Variants in BOC observed in about 807,000 individuals in gnomAD.
The protein encoded by BOC is BOC cell adhesion associated, oncogene regulated, also known as brother of CDO.
A neutral mutation model predicts 112.0 loss-of-function variants in BOC; 76 were observed. The ratio of observed to expected loss-of-function variants is 0.68; its 90% confidence interval spans 0.56 to 0.82. The LOEUF (loss-of-function observed/expected upper bound fraction) is 0.82, where lower values mean the gene tolerates loss of function less well. Among genes scored for constraint, BOC ranks in the 40% least tolerant of loss-of-function variants. BOC has a pLI of 0.00. For synonymous variants in BOC, 580 were observed against 599.8 expected (o/e 0.97, Z 0.48); for missense variants, 1,309 against 1,511.7 (o/e 0.87, Z 2.22).
In BOC at chr3:113,274,554, G is replaced by T. The variant is rs543759923; in HGVS notation, c.1414G>T (p.Ala472Ser). ...CPGEKGQGAP[A>S]EAPIILSSPR... The stretch of plus-strand genomic sequence containing the variant: ...AGGAGAGAAGGGGCAGGGGGCTCCC[G>T]CCGAGGCTCCCATCATCCTCAGCTC... Residue 472 changes from alanine to serine, a missense_variant, in exon 9 of 20, where the codon GCC becomes TCC. Coordinates refer to ENST00000682979, the MANE Select transcript of BOC (RefSeq NM_001378074.1). The surrounding 1 kb of genome is among the most constrained non-coding windows in gnomAD (Gnocchi z 4.8). The T allele has an allele frequency of 6.2e-7, 1 of 1,613,312 alleles. No individual in the cohort carries two copies. Among genetic ancestry groups the T allele is most frequent in the Non-Finnish European group, 8.5e-7 (1 of 1,179,910 alleles).
chr3:113,226,570 T>C (rs1016859756), intron 2 of BOC, among the ~76,000 whole-genome samples: 4 of 152,198 alleles, frequency 2.6e-5, no homozygotes, highest in Admixed American at 2.0e-4. Flanking sequence ...TGAGATGGAA[T>C]CTTAAGCAGG....
chr3:113,284,349 C>G lies in BOC; in HGVS notation c.2671C>G (p.Leu891Val). The change falls in exon 17 of 20, where the codon CTG becomes GTG. Residue 891 changes from leucine (L) to valine (V), a missense_variant. Coordinates refer to ENST00000682979, the MANE Select transcript of BOC (RefSeq NM_001378074.1). ...TGTCCTTCCAGAACATACAACAGAC[C>G]TGGGTTTTCCTCGAAGTGCCCTTCC... ...AWSKQKHTTD[L>V]GFPRSALPPS... is the part of the protein sequence containing the mutation. 6.2e-7 allele frequency: 1 copy of G among 1,614,122 alleles called. No individual in the cohort carries two copies. Among genetic ancestry groups the G allele is most frequent in the Non-Finnish European group, 8.5e-7 (1 of 1,179,960 alleles).
intron 6 of BOC, chr3:113,271,364 C>T (rs1429482586): frequency 5.2e-6 from 2 of 386,950 alleles, no homozygotes; most frequent in Non-Finnish European, 1.0e-5. Context: ...TGGGCCTGCA[C>T]TCTCTGCACT....
At chr3:113,225,285 A>G (rs1941478236) in intron 2 of BOC, among the ~76,000 whole-genome samples, 3 of 151,676 alleles carry the variant, frequency 2.0e-5, no homozygotes, top group African/African-American at 4.8e-5. Context: ...AAAAAAAACA[A>G]CAAAAAAAAA....
rs117636618 is a variant in BOC, at chr3:113,264,616, T to C, written c.377-3683T>C. Among the ~76,000 whole-genome samples, 34 of 152,276 alleles carry C rather than the reference T, an allele frequency of 2.2e-4. No homozygotes were observed. The East Asian group carries it at 6.2e-3, about 28-fold the overall frequency. The stretch of plus-strand genomic sequence containing the variant: ...CTCTGCATCTGCCCCATCTGATGGC[T>C]GGTTAGGCTCTTATTGATCATGAAC... On this transcript the variant is annotated intron_variant, in intron 4 of 19. Coordinates refer to ENST00000682979, the MANE Select transcript of BOC (RefSeq NM_001378074.1).
At chr3:113,283,267 T>C in intron 15 of BOC, 144 bp from the exon 16 acceptor site, 1 of 806,954 alleles carries the variant, frequency 1.2e-6, no homozygotes, top group African/African-American at 1.7e-5. Flanking sequence ...GTGGACACCA[T>C]TCAAATAAGA....
rs115567932 is a variant in BOC, at chr3:113,217,731, C to T, written c.-82+1457C>T. Among the ~76,000 whole-genome samples the T allele has an allele frequency of 6.2e-3, 951 of 152,246 alleles. 16 individuals are homozygous for T. Among genetic ancestry groups the T allele is most frequent in the African/African-American group, 0.021 (883 of 41,556 alleles). On this transcript the variant is annotated intron_variant, in intron 2 of 19. Coordinates refer to ENST00000682979, the MANE Select transcript of BOC (RefSeq NM_001378074.1). ...TCAGTGAATGGTAGGCCTAAGTATG[C>T]TTGAGACACAACATTTCATGTTCAG...
At chr3:113,233,148 G>GGGGGGTGTGTGTGTGT (rs75678874) in intron 2 of BOC, among the ~76,000 whole-genome samples, 3 of 123,960 alleles carry the variant, frequency 2.4e-5, no homozygotes, top group African/African-American at 9.2e-5. Flanking sequence ...AAAGGATTGG[G>GGGGGGTGTGTGTGTGT]GTGTGTGTGT....
intron 2 of BOC, among the ~76,000 whole-genome samples, chr3:113,222,594 G>A (rs902292257): frequency 7.2e-5 from 11 of 152,196 alleles, no homozygotes; most frequent in African/African-American, 2.2e-4. Flanking sequence ...TCCGTGTCGG[G>A]GGATGTAAGC....
Position 113,283,583 on chromosome 3 carries a change from C to A in BOC, c.2607C>A (p.Ile869=). 6.2e-7 allele frequency: 1 copy of A among 1,613,846 alleles called. No individual in the cohort carries two copies. Among genetic ancestry groups the A allele is most frequent in the African/African-American group, 1.3e-5 (1 of 74,924 alleles). Residue 869 remains isoleucine, a synonymous_variant, in exon 16 of 20, where the codon ATC becomes ATA. Transcript: ENST00000682979. ...TCGTCCTGGGCTCCATCGTTCTCAT[C>A]ATCGTCACCTTCATCCCCTTCTGCT... ...VGVVLGSIVL[I]IVTFIPFCLW...
At chr3:113,244,162 G>A (rs926291077) in intron 2 of BOC, among the ~76,000 whole-genome samples, 9 of 152,212 alleles carry the variant, frequency 5.9e-5, no homozygotes, top group Non-Finnish European at 8.8e-5. Context: ...ATGAAGAGGA[G>A]CTTGTGGATA....
Position 113,278,998 on chromosome 3 carries a change from G to C in BOC, c.1816+215G>C. The C allele has an allele frequency of 1.6e-6, 1 of 635,620 alleles. No individual in the cohort carries two copies. Among genetic ancestry groups the C allele is most frequent in the Non-Finnish European group, 2.7e-6 (1 of 367,928 alleles). The allele number at this position is 635,620 out of a possible 1,614,324, so 39.4% of individuals were successfully genotyped here. A position where few individuals can be genotyped will look rare whatever the true frequency, so the allele number is the denominator to read the frequency against. ...CACTGGGTGCATCCAGAGAGCAGCA[G>C]AGGCCAGAGCTGTGGTCCTTGGGCC... On this transcript the variant is annotated intron_variant, in intron 11 of 19. Coordinates refer to ENST00000682979, the MANE Select transcript of BOC (RefSeq NM_001378074.1). This position sits in a 1 kb window ranked among gnomAD's most constrained non-coding sequence, Gnocchi z 4.2.
At chr3:113,269,019 A>T (rs1194014213) in intron 5 of BOC, among the ~76,000 whole-genome samples, 1 of 152,138 alleles carries the variant, frequency 6.6e-6, no homozygotes, top group East Asian at 1.9e-4. Flanking sequence ...TATTACTGAG[A>T]TGCTGCTGTT....
At chr3:113,237,918 G>T (rs1943782750) in intron 2 of BOC, among the ~76,000 whole-genome samples, 1 of 152,156 alleles carries the variant, frequency 6.6e-6, no homozygotes, top group Admixed American at 6.5e-5. Flanking sequence ...GCTTTTCTAG[G>T]TGCTAGGGTT....
Position 113,278,388 on chromosome 3 carries a change from G to A in BOC, c.1705+131G>A. 1.8e-6 allele frequency: 2 copies of A among 1,112,282 alleles called. No individual in the cohort carries two copies. Among genetic ancestry groups the A allele is most frequent in the Non-Finnish European group, 2.6e-6 (2 of 774,974 alleles). The allele number at this position is 1,112,282 out of a possible 1,614,324, so 68.9% of individuals were successfully genotyped here. Reference sequence around the variant, plus strand: ...AACTTCATCTTTCCTTCCAGCTACTGCCTCCTTGTGGTTTGTGTGCTAGGC... The same window carrying A: ...AACTTCATCTTTCCTTCCAGCTACTACCTCCTTGTGGTTTGTGTGCTAGGC... On this transcript the variant is annotated intron_variant, in intron 10 of 19. Transcript: ENST00000682979. The surrounding 1 kb of genome is among the most constrained non-coding windows in gnomAD (Gnocchi z 4.2).
intron 4 of BOC, chr3:113,251,906 C>T (rs532016784): frequency 6.6e-6 from 1 of 152,328 alleles, no homozygotes; most frequent in Admixed American, 6.5e-5. Context: ...AGGAGCCTTA[C>T]CAAGACAGGT....
At chr3:113,229,286 T>C (rs1220885059) in intron 2 of BOC, among the ~76,000 whole-genome samples, 1 of 152,264 alleles carries the variant, frequency 6.6e-6, no homozygotes, top group Non-Finnish European at 1.5e-5. Flanking sequence ...GGCCAACGGC[T>C]GTTCTACTTC....
rs1267011888 is a variant in BOC, at chr3:113,278,809, C to T, written c.1816+26C>T. 45 of 1,545,398 alleles carry T rather than the reference C, an allele frequency of 2.9e-5. No individual in the cohort carries two copies. Among genetic ancestry groups the T allele is most frequent in the Non-Finnish European group, 3.3e-5 (38 of 1,141,608 alleles). On this transcript the variant is annotated intron_variant, in intron 11 of 19. Coordinates refer to ENST00000682979, the MANE Select transcript of BOC (RefSeq NM_001378074.1). The surrounding 1 kb of genome is among the most constrained non-coding windows in gnomAD (Gnocchi z 4.2). ...GTAAGCCGCTAGCAGCAGGGACGGACGCGCAGTCAGGACTGGAACTGCCTC... is the reference window on the plus strand; with the variant it reads ...GTAAGCCGCTAGCAGCAGGGACGGATGCGCAGTCAGGACTGGAACTGCCTC...
At chr3:113,252,087 C>T (rs746851134) in intron 4 of BOC, 1 of 152,112 alleles carries the variant, frequency 6.6e-6, no homozygotes, top group African/African-American at 2.4e-5. Flanking sequence ...TGTATGGGCA[C>T]GTGAGACTTG....
Sources: gnomAD v4.1 joint callset for allele counts (sites outside exome capture counted in the v4.1 genomes callset) on GRCh38, gnomAD v4.1.1 for gene constraint, Gnocchi (gnomAD v3.1) non-coding constraint, MANE v1.5 for transcripts, NCBI Gene and HGNC (gene_info 2026-07-23, HGNC 2026-07-21) for gene names.